SNX29: variants seen among roughly 807,000 people sequenced by gnomAD.
SNX29 encodes the protein sorting nexin 29, also known as sorting nexin-29.
In SNX29, 78 loss-of-function variants were observed where a neutral mutation model predicts 102.1. The ratio of observed to expected loss-of-function variants is 0.76; its 90% CI spans 0.64 to 0.92. The LOEUF is 0.92. Among genes scored for constraint, SNX29 ranks in the 40% least tolerant of loss-of-function variants. The pLI is 0.00. For missense variants in SNX29, 1,280 were observed against 1,061.7 expected (o/e 1.21, Z -2.86); for synonymous variants, 580 against 414.5 (o/e 1.40, Z -4.85).
chr16:11,976,933 C>G (rs2150952755), intron 1 of SNX29, 120 bp downstream of exon 1: 1 of 1,226,110 alleles, frequency 8.2e-7, no homozygotes, highest in Non-Finnish European at 1.0e-6. Context: ...CTCCCAGTCG[C>G]TCCCTTTTCC....
At chr16:12,285,931 C>G (rs1011714764) in intron 15 of SNX29, among the ~76,000 whole-genome samples, 1 of 152,152 alleles carries the variant, frequency 6.6e-6, no homozygotes, top group African/African-American at 2.4e-5. Flanking sequence ...TCTCAGCTCA[C>G]TACAACCTCC....
chr16:12,471,700 G>C (rs1204949766), intron 18 of SNX29, among the ~76,000 whole-genome samples: 1 of 152,234 alleles, frequency 6.6e-6, no homozygotes, highest in Non-Finnish European at 1.5e-5. Context: ...GCTATGTTTT[G>C]TTTTTGCTTT....
chr16:12,051,728 G>A, intron 7 of SNX29, 119 bp from the exon 8 acceptor site: 1 of 1,383,770 alleles, frequency 7.2e-7, no homozygotes, highest in Non-Finnish European at 9.7e-7. Context: ...CTGAATTCAT[G>A]TTACAGTGTA....
At chr16:12,156,498 G>T (rs1321071490) in intron 13 of SNX29, among the ~76,000 whole-genome samples, 1 of 152,230 alleles carries the variant, frequency 6.6e-6, no homozygotes, top group Non-Finnish European at 1.5e-5. Flanking sequence ...AAGGGGCGCA[G>T]GTTGCCTGGG....
intron 15 of SNX29, among the ~76,000 whole-genome samples, chr16:12,313,737 G>A (rs2080641460): frequency 6.6e-6 from 1 of 152,242 alleles, no homozygotes. Context: ...TGCCGGGTAT[G>A]GAGTCTTAAT....
At chr16:12,035,880 A>C (rs1212944702) in intron 4 of SNX29, among the ~76,000 whole-genome samples, 1 of 151,960 alleles carries the variant, frequency 6.6e-6, no homozygotes, top group African/African-American at 2.4e-5. Flanking sequence ...AGGGGTGATA[A>C]AGCTGGCTTC....
At chr16:12,246,937 G>A (rs76039848) in intron 14 of SNX29, among the ~76,000 whole-genome samples, 2,872 of 152,252 alleles carry the variant, frequency 0.019, 63 homozygotes, top group African/African-American at 0.047. Flanking sequence ...TGGATATGGG[G>A]AAGGCCAGAG....
At chr16:12,327,986 T>C (rs1032117461) in intron 15 of SNX29, among the ~76,000 whole-genome samples, 2 of 152,174 alleles carry the variant, frequency 1.3e-5, no homozygotes, top group Non-Finnish European at 2.9e-5. Context: ...ATTCAGACAC[T>C]GTCAGCTGGT....
chr16:12,448,800 A>T (rs1199388091), intron 18 of SNX29, among the ~76,000 whole-genome samples: 2 of 152,178 alleles, frequency 1.3e-5, no homozygotes, highest in Non-Finnish European at 2.9e-5. Flanking sequence ...AGCTGTCCTG[A>T]TCAGGTGCAT....
chr16:12,423,904 G>A (rs1229257046), intron 18 of SNX29, among the ~76,000 whole-genome samples: 8 of 152,158 alleles, frequency 5.3e-5, no homozygotes, highest in Admixed American at 5.2e-4. Flanking sequence ...GCATGTCAGG[G>A]CCTGTGGCCA....
chr16:12,064,106 G>A (rs1256376102), intron 9 of SNX29, among the ~76,000 whole-genome samples: 1 of 152,086 alleles, frequency 6.6e-6, no homozygotes, highest in Non-Finnish European at 1.5e-5. Context: ...TTGTAGTTGG[G>A]TTCTTGAATT....
At chr16:11,987,369 C>T (rs1191131368) in intron 1 of SNX29, among the ~76,000 whole-genome samples, 1 of 150,152 alleles carries the variant, frequency 6.7e-6, no homozygotes, top group Admixed American at 6.7e-5. Context: ...TGCACCCGGC[C>T]TGGGCAGATT....
At chr16:12,159,422 G>A (rs531911183) in intron 13 of SNX29, among the ~76,000 whole-genome samples, 139 of 152,304 alleles carry the variant, frequency 9.1e-4, no homozygotes, top group African/African-American at 3.3e-3. Context: ...CTGTTTCTAG[G>A]CTTCAACTTC....
intron 3 of SNX29, among the ~76,000 whole-genome samples, chr16:12,019,228 G>A (rs1368314070): frequency 3.3e-5 from 5 of 151,842 alleles, no homozygotes; most frequent in Non-Finnish European, 5.9e-5. Context: ...GTTTTTTTGC[G>A]ATGGAGTCTC....
intron 13 of SNX29, among the ~76,000 whole-genome samples, chr16:12,179,215 G>A (rs1219253027): frequency 6.6e-6 from 1 of 152,244 alleles, no homozygotes; most frequent in Non-Finnish European, 1.5e-5. Context: ...GCCGGGCACA[G>A]TTGCTCACAC....
At chr16:12,451,148 A>G (rs904296842) in intron 18 of SNX29, among the ~76,000 whole-genome samples, 1 of 152,188 alleles carries the variant, frequency 6.6e-6, no homozygotes, top group African/African-American at 2.4e-5. Flanking sequence ...TGATTCAACA[A>G]TCTGCTACTC....
chr16:12,162,409 T>A (rs2055826466), intron 13 of SNX29, among the ~76,000 whole-genome samples: 1 of 152,220 alleles, frequency 6.6e-6, no homozygotes, highest in Non-Finnish European at 1.5e-5. Flanking sequence ...GCAAATATAT[T>A]CTGTTGAGGG....
intron 16 of SNX29, chr16:12,375,982 A>C (rs1286759326): frequency 6.8e-6 from 1 of 147,128 alleles, no homozygotes; most frequent in African/African-American, 2.6e-5. Flanking sequence ...GCAGTGAGCC[A>C]AGATCGACCC....
intron 15 of SNX29, among the ~76,000 whole-genome samples, chr16:12,339,545 T>G (rs2081553962): frequency 6.6e-6 from 1 of 152,160 alleles, no homozygotes; most frequent in East Asian, 1.9e-4. Context: ...TGATGAAAAC[T>G]GGACATCCAA....
Sources: gnomAD v4.1 joint callset for allele counts (sites outside exome capture counted in the v4.1 genomes callset) on GRCh38, gnomAD v4.1.1 for gene constraint, MANE v1.5 for transcripts, NCBI Gene and HGNC (gene_info 2026-07-23, HGNC 2026-07-21) for gene names.